NHSL2: variants seen among roughly 807,000 people sequenced by gnomAD.
NHSL2 encodes the protein NHS-like protein 2.
NHSL2 carries 27 observed loss-of-function variants against 53.4 expected under a neutral mutation model. The ratio of observed to expected loss-of-function variants is 0.51; its 90% CI spans 0.37 to 0.70. The LOEUF (loss-of-function observed/expected upper bound fraction) is 0.70. Among genes scored for constraint, NHSL2 ranks in the 30% least tolerant of loss-of-function variants. NHSL2 has a pLI of 0.00. For missense variants in NHSL2, 892 were observed against 980.1 expected (o/e 0.91, Z 1.20); for synonymous variants, 408 against 404.1 (o/e 1.01, Z -0.12).
chrX:72,141,526 G>T (rs1334435535), intron 6 of NHSL2, among the ~76,000 whole-genome samples: 1 of 111,557 alleles, frequency 9.0e-6, no homozygotes, highest in Non-Finnish European at 1.9e-5. Context: ...TCTGTACCCA[G>T]TAAACAACAA....
chrX:72,123,463 G>A (rs1434102352), intron 1 of NHSL2, among the ~76,000 whole-genome samples: 1 of 111,656 alleles, frequency 9.0e-6, no homozygotes, highest in Non-Finnish European at 1.9e-5. Flanking sequence ...GTTGAAGGTG[G>A]ACCTATTAGA....
chrX:72,125,681 G>A (rs1310188700), intron 1 of NHSL2, among the ~76,000 whole-genome samples: 2 of 112,020 alleles, frequency 1.8e-5, no homozygotes, highest in East Asian at 2.8e-4. Context: ...TACTTGTGAT[G>A]TCATAAGAAA....
At chrX:72,121,700 G>C (rs957256476) in intron 1 of NHSL2, among the ~76,000 whole-genome samples, 1 of 112,134 alleles carries the variant, frequency 8.9e-6, no homozygotes, top group African/African-American at 3.2e-5. Flanking sequence ...TGACACCCTA[G>C]GGCAGGGCTT....
intron 1 of NHSL2, among the ~76,000 whole-genome samples, chrX:71,981,862 C>T (rs2041980825): frequency 8.9e-6 from 1 of 111,859 alleles, no homozygotes; most frequent in South Asian, 3.7e-4. Flanking sequence ...ATCTCAAATA[C>T]CACTGGTAGG....
intron 1 of NHSL2, among the ~76,000 whole-genome samples, chrX:71,946,322 G>A (rs938680138): frequency 7.1e-5 from 8 of 112,364 alleles, no homozygotes; most frequent in Non-Finnish European, 1.3e-4. Flanking sequence ...GGCATAGCCT[G>A]CCTGTTGATT....
chrX:72,087,509 C>T (rs1386358540), intron 1 of NHSL2, among the ~76,000 whole-genome samples: 3 of 112,709 alleles, frequency 2.7e-5, no homozygotes, highest in Non-Finnish European at 3.7e-5. Context: ...TTGTGTCTTA[C>T]GTATATTTTA....
At position 71,920,735 on chromosome X, in the gene NHSL2, C is replaced by CA. The variant is rs766650744; in HGVS notation, c.280+9377dup. Among the ~76,000 whole-genome samples, 325 of 108,052 alleles carry CA rather than the reference C, an allele frequency of 3.0e-3. 2 individuals are homozygous for CA. Among genetic ancestry groups the CA allele is most frequent in the African/African-American group, 9.6e-3 (286 of 29,681 alleles). The allele number at this position is 108,052 out of a possible 115,157, so 93.8% of individuals were successfully genotyped here. A position where few individuals can be genotyped will look rare whatever the true frequency, so the allele number is the denominator to read the frequency against. ...TGCAGACTTAGATTAAAGTAAGTGA[C>CA]AAAAAAAAATGATCTCGCAGATGAA... is the stretch of plus-strand genomic sequence containing the variant. On this transcript the variant is annotated intron_variant, in intron 1 of 7. Coordinates refer to ENST00000633930, the MANE Select transcript of NHSL2 (RefSeq NM_001013627.3).
chrX:72,099,711 GA>G (rs199677773), intron 1 of NHSL2, among the ~76,000 whole-genome samples: 4,304 of 111,619 alleles, frequency 0.039, 121 homozygotes, highest in South Asian at 0.11. Flanking sequence ...AAAGTAAAAA[GA>G]AAAAGGTGAA....
intron 1 of NHSL2, among the ~76,000 whole-genome samples, chrX:71,992,077 C>G (rs1403614866): frequency 8.9e-6 from 1 of 112,891 alleles, no homozygotes; most frequent in Non-Finnish European, 1.9e-5. Flanking sequence ...GTAGTCTGGA[C>G]AGCAACTGAG....
intron 1 of NHSL2, among the ~76,000 whole-genome samples, chrX:72,027,299 A>G (rs1245709661): frequency 9.0e-6 from 1 of 111,367 alleles, no homozygotes; most frequent in East Asian, 2.8e-4. Context: ...GGCATGGGGC[A>G]TTTTGAGTTT....
chrX:72,097,494 C>G (rs1358519302), intron 1 of NHSL2, among the ~76,000 whole-genome samples: 1 of 111,929 alleles, frequency 8.9e-6, no homozygotes, highest in Non-Finnish European at 1.9e-5. Flanking sequence ...ATTCAAAACC[C>G]TTCTTTATTC....
intron 1 of NHSL2, among the ~76,000 whole-genome samples, chrX:72,060,888 G>A (rs985481178): frequency 8.8e-6 from 1 of 113,035 alleles, no homozygotes; most frequent in African/African-American, 3.2e-5. Context: ...GGACAATTCC[G>A]CCTTCTTTTT....
intron 1 of NHSL2, among the ~76,000 whole-genome samples, chrX:72,049,345 G>A (rs1391689410): frequency 8.9e-6 from 1 of 111,776 alleles, no homozygotes; most frequent in Non-Finnish European, 1.9e-5. Context: ...TGTGCCCTGC[G>A]CAAGCTCACC....
At chrX:71,934,126 A>G (rs768082422) in intron 1 of NHSL2, among the ~76,000 whole-genome samples, 12 of 111,668 alleles carry the variant, frequency 1.1e-4, no homozygotes, top group Non-Finnish European at 2.1e-4. Flanking sequence ...GTTCTCCTCC[A>G]GGACCAAAGT....
intron 1 of NHSL2, among the ~76,000 whole-genome samples, chrX:71,933,939 C>T (rs1470391935): frequency 9.0e-6 from 1 of 111,391 alleles, no homozygotes; most frequent in Non-Finnish European, 1.9e-5. Flanking sequence ...TGCATTGGTT[C>T]CTGGGGCTTC....
intron 1 of NHSL2, among the ~76,000 whole-genome samples, chrX:72,118,789 TTG>T (rs958063057): frequency 1.8e-5 from 2 of 112,139 alleles, no homozygotes; most frequent in African/African-American, 6.5e-5. Context: ...GAAGTCAAAT[TTG>T]TGTTTTTCTC....
chrX:72,060,590 A>C (rs2042394151), intron 1 of NHSL2, among the ~76,000 whole-genome samples: 1 of 112,681 alleles, frequency 8.9e-6, no homozygotes, highest in Non-Finnish European at 1.9e-5. Flanking sequence ...GAAGTTAGGC[A>C]TATCTGACAA....
chrX:72,044,227 AG>A (rs2042292174), intron 1 of NHSL2, among the ~76,000 whole-genome samples: 1 of 112,238 alleles, frequency 8.9e-6, no homozygotes, highest in South Asian at 3.7e-4. Context: ...GCAGATGTTC[AG>A]GGCCAATATG....
intron 1 of NHSL2, among the ~76,000 whole-genome samples, chrX:72,020,375 T>C (rs1399925790): frequency 5.3e-5 from 6 of 112,861 alleles, no homozygotes; most frequent in Non-Finnish European, 1.1e-4. Flanking sequence ...GGAAGAGATG[T>C]TGGCTGGGAC....
Sources: gnomAD v4.1 joint callset for allele counts (sites outside exome capture counted in the v4.1 genomes callset) on GRCh38, gnomAD v4.1.1 for gene constraint, MANE v1.5 for transcripts, NCBI Gene and HGNC (gene_info 2026-07-23, HGNC 2026-07-21) for gene names.